ENOX2: variants seen among roughly 807,000 people sequenced by gnomAD.
The protein encoded by ENOX2 is ecto-NOX disulfide-thiol exchanger 2.
ENOX2 carries 36 observed loss-of-function variants against 45.0 expected under a neutral mutation model. The observed-to-expected ratio is 0.80, with a 90% CI of 0.61 to 1.06. The LOEUF (loss-of-function observed/expected upper bound fraction) is 1.06. Ranked by LOEUF, ENOX2 falls within the 50% of genes least tolerant of loss-of-function variation. The probability of loss-of-function intolerance (pLI) is 0.00; values close to 1 mark genes in which losing one functional copy is unlikely to be tolerated. For missense variants in ENOX2, 423 were observed against 462.5 expected (o/e 0.91, Z 0.78); for synonymous variants, 174 against 152.3 (o/e 1.14, Z -1.05).
At chrX:130,762,236 T>C (rs990689407) in intron 3 of ENOX2, among the ~76,000 whole-genome samples, 3 of 112,114 alleles carry the variant, frequency 2.7e-5, no homozygotes, top group Non-Finnish European at 3.8e-5. Flanking sequence ...CTGCTTCCCA[T>C]AAATTTTGAT....
intron 2 of ENOX2, among the ~76,000 whole-genome samples, chrX:130,798,492 A>G (rs761735976): frequency 9.0e-6 from 1 of 111,687 alleles, no homozygotes; most frequent in East Asian, 2.8e-4. Context: ...TGGTATAAGT[A>G]CGTTAGACTT....
intron 2 of ENOX2, among the ~76,000 whole-genome samples, chrX:130,848,120 C>G (rs2078144506): frequency 8.9e-6 from 1 of 111,766 alleles, no homozygotes; most frequent in South Asian, 3.8e-4. Context: ...GCACAAACCC[C>G]TAGGTTTTAA....
At chrX:130,680,580 T>C (rs1385218543) in intron 5 of ENOX2, among the ~76,000 whole-genome samples, 1 of 112,526 alleles carries the variant, frequency 8.9e-6, no homozygotes, top group Non-Finnish European at 1.9e-5. Context: ...GCCAGCTCTT[T>C]GTTGCTATTT....
At chrX:130,642,145 T>C (rs775338802) in intron 10 of ENOX2, among the ~76,000 whole-genome samples, 1 of 112,378 alleles carries the variant, frequency 8.9e-6, no homozygotes, top group Non-Finnish European at 1.9e-5. Flanking sequence ...CATGATGCCA[T>C]TAAGAATGTT....
At chrX:130,711,740 C>T (rs1197131717) in intron 3 of ENOX2, among the ~76,000 whole-genome samples, 1 of 111,326 alleles carries the variant, frequency 9.0e-6, no homozygotes, top group East Asian at 2.8e-4. Context: ...AAACCTCATC[C>T]TGGAAGATTT....
At chrX:130,741,858 G>A (rs1167680084) in intron 3 of ENOX2, among the ~76,000 whole-genome samples, 1 of 111,894 alleles carries the variant, frequency 8.9e-6, no homozygotes, top group Non-Finnish European at 1.9e-5. Context: ...AGTCAACCTA[G>A]CTCTGTTTCC....
At chrX:130,653,035 C>T (rs1391284578) in intron 10 of ENOX2, among the ~76,000 whole-genome samples, 1 of 112,309 alleles carries the variant, frequency 8.9e-6, no homozygotes, top group Non-Finnish European at 1.9e-5. Flanking sequence ...ATACAATCAA[C>T]AGGTCTCCAG....
chrX:130,742,726 A>G (rs1258389897), intron 3 of ENOX2, among the ~76,000 whole-genome samples: 1 of 112,058 alleles, frequency 8.9e-6, no homozygotes, highest in African/African-American at 3.2e-5. Context: ...TAGCTTATCC[A>G]AAGCTACACA....
chrX:130,891,490 GTTTTTTTTTTT>G (rs140444679), intron 2 of ENOX2, among the ~76,000 whole-genome samples: 5 of 44,565 alleles, frequency 1.1e-4, no homozygotes, highest in Non-Finnish European at 1.9e-4. Flanking sequence ...ACACTATATG[GTTTTTTTTTTT>G]TTTTTTTTTT....
intron 4 of ENOX2, among the ~76,000 whole-genome samples, chrX:130,695,382 C>A (rs918029789): frequency 3.6e-5 from 4 of 111,705 alleles, no homozygotes; most frequent in Non-Finnish European, 7.5e-5. Flanking sequence ...GGAAGTGACA[C>A]ACATTGACTA....
Position 130,879,449 on chromosome X carries a change from T to A in ENOX2, c.-183+22235A>T, listed in dbSNP as rs183944161. On this transcript the variant is annotated intron_variant, in intron 2 of 14. Transcript: ENST00000394363. ...TCCCTTCTCCCTTTCTCTCCCTCCC[T>A]CCATCCCTCCCTCCCTCCCATCTTA... Among the ~76,000 whole-genome samples the A allele has an allele frequency of 1.5e-4, 16 of 109,135 alleles. No homozygotes were observed. The East Asian group carries it at 4.7e-3, about 32-fold the overall frequency. 94.8% of individuals were successfully genotyped at this position (109,135 alleles called of 115,157 possible).
intron 2 of ENOX2, among the ~76,000 whole-genome samples, chrX:130,813,425 T>C (rs1396387252): frequency 8.9e-6 from 1 of 111,949 alleles, no homozygotes; most frequent in Non-Finnish European, 1.9e-5. Context: ...AGCTATAACA[T>C]CACTATAAGA....
At chrX:130,780,543 T>C (rs2039947390) in intron 3 of ENOX2, among the ~76,000 whole-genome samples, 1 of 111,619 alleles carries the variant, frequency 9.0e-6, no homozygotes, top group Non-Finnish European at 1.9e-5. Flanking sequence ...AAAGGAAGAA[T>C]CTGCAAAGTG....
intron 3 of ENOX2, among the ~76,000 whole-genome samples, chrX:130,744,484 G>A (rs2039055821): frequency 9.0e-6 from 1 of 111,430 alleles, no homozygotes; most frequent in Non-Finnish European, 1.9e-5. Context: ...TTAGATATGT[G>A]GAAGTTTTGA....
intron 2 of ENOX2, among the ~76,000 whole-genome samples, chrX:130,807,097 A>C (rs1201021122): frequency 8.9e-6 from 1 of 112,251 alleles, no homozygotes; most frequent in Non-Finnish European, 1.9e-5. Flanking sequence ...TTGCATTCCA[A>C]AGTAGTTGAT....
At chrX:130,765,088 T>C (rs1184503783) in intron 3 of ENOX2, among the ~76,000 whole-genome samples, 1 of 111,472 alleles carries the variant, frequency 9.0e-6, no homozygotes, top group Non-Finnish European at 1.9e-5. Flanking sequence ...TTAAAAGCAT[T>C]GGGCTACATA....
intron 3 of ENOX2, among the ~76,000 whole-genome samples, chrX:130,760,427 G>A (rs758095625): frequency 2.7e-5 from 3 of 110,868 alleles, no homozygotes; most frequent in Non-Finnish European, 3.8e-5. Context: ...TCTGATCTTA[G>A]GGGAAAAGCA....
chrX:130,680,537 G>T (rs780954588), intron 5 of ENOX2, among the ~76,000 whole-genome samples: 7 of 111,750 alleles, frequency 6.3e-5, no homozygotes, highest in Non-Finnish European at 1.3e-4. Flanking sequence ...AAAAAAATAT[G>T]CACTCATCTT....
chrX:130,856,657 T>C (rs1400520520), intron 2 of ENOX2, among the ~76,000 whole-genome samples: 1 of 110,964 alleles, frequency 9.0e-6, no homozygotes, highest in Non-Finnish European at 1.9e-5. Flanking sequence ...TATATATTCT[T>C]ATATATCTTT....
Sources: allele counts gnomAD v4.1 joint callset (sites outside exome capture counted in the v4.1 genomes callset), GRCh38; gene constraint gnomAD v4.1.1; transcripts MANE v1.5; gene names NCBI Gene and HGNC (gene_info 2026-07-23, HGNC 2026-07-21).